HECA: variants seen among roughly 807,000 people sequenced by gnomAD.
The protein encoded by HECA is HECA ribonucleoprotein granule regulator.
HECA carries 13 observed loss-of-function variants against 37.6 expected under a neutral mutation model. That is an observed-to-expected ratio of 0.35 (90% CI 0.23 to 0.55). HECA has a LOEUF of 0.55. Among genes scored for constraint, HECA ranks in the 20% least tolerant of loss-of-function variants. HECA has a pLI of 0.90. For synonymous variants in HECA, 307 were observed against 291.5 expected (o/e 1.05, Z -0.54); for missense variants, 527 against 701.9 (o/e 0.75, Z 2.82).
chr6:139,173,066 A>G (rs181851917), intron 2 of HECA, among the ~76,000 whole-genome samples: 17 of 152,302 alleles, frequency 1.1e-4, no homozygotes, highest in Admixed American at 3.9e-4. Context: ...AGTGCAAATG[A>G]AATTTTTTCC....
At chr6:139,165,609 C>CT (rs1428215115) in intron 1 of HECA, among the ~76,000 whole-genome samples, 1 of 147,298 alleles carries the variant, frequency 6.8e-6, no homozygotes, top group African/African-American at 2.5e-5. Flanking sequence ...TTTACTGACT[C>CT]TATCATGTCT....
Position 139,135,224 on chromosome 6 carries a change from G to A in HECA, c.-173G>A. 1 of 431,786 alleles carries A rather than the reference G, an allele frequency of 2.3e-6. No homozygotes were observed. The highest frequency in any genetic ancestry group is 3.3e-6 in the Non-Finnish European group (1 of 305,032). The allele number at this position is 431,786 out of a possible 1,614,324, so 26.7% of individuals were successfully genotyped here. A position where few individuals can be genotyped will look rare whatever the true frequency, so the allele number is the denominator to read the frequency against. On this transcript the variant is annotated 5_prime_UTR_variant, in exon 1 of 4. Coordinates refer to ENST00000367658, the MANE Select transcript of HECA (RefSeq NM_016217.3). The stretch of plus-strand genomic sequence containing the variant: ...GGCTCCAGGAAGCCGGAGAGGGCGC[G>A]GCGGCCAGGATGGCGCGGCACGGGC...
chr6:139,177,377 T>TG lies in HECA; in HGVS notation c.*276dup. The stretch of plus-strand genomic sequence containing the variant: ...AATCTTTGATGCAGCTTTAAGATGG[T>TG]GGGGAGGATGGGGTGAATTTAGGAA... On this transcript the variant is annotated 3_prime_UTR_variant, in exon 4 of 4. Transcript: ENST00000367658. The surrounding 1 kb of genome is among the most constrained non-coding windows in gnomAD (Gnocchi z 4.9). 1 of 251,386 alleles carries TG rather than the reference T, an allele frequency of 4.0e-6. No homozygotes were observed. Among genetic ancestry groups the TG allele is most frequent in the Non-Finnish European group, 7.6e-6 (1 of 132,372 alleles). The allele number at this position is 251,386 out of a possible 1,614,324, so 15.6% of individuals were successfully genotyped here. A position where few individuals can be genotyped will look rare whatever the true frequency, so the allele number is the denominator to read the frequency against.
At chr6:139,156,215 T>C (rs1774710353) in intron 1 of HECA, among the ~76,000 whole-genome samples, 2 of 152,140 alleles carry the variant, frequency 1.3e-5, no homozygotes, top group South Asian at 2.1e-4. Flanking sequence ...TTCTTTTTTT[T>C]TTCTTTGACA....
At chr6:139,153,043 C>T (rs1372279118) in intron 1 of HECA, 1 of 152,162 alleles carries the variant, frequency 6.6e-6, no homozygotes, top group Non-Finnish European at 1.5e-5. Flanking sequence ...AGACTTTACC[C>T]TAGCTGGTGA....
Position 139,135,608 on chromosome 6 carries a change from C to G in HECA, c.212C>G (p.Thr71Ser). 1.0e-6 allele frequency: 1 copy of G among 964,380 alleles called. No individual in the cohort carries two copies. Among genetic ancestry groups the G allele is most frequent in the Non-Finnish European group, 1.2e-6 (1 of 815,542 alleles). 59.7% of individuals were successfully genotyped at this position (964,380 alleles called of 1,614,324 possible). A position where few individuals can be genotyped will look rare whatever the true frequency, so the allele number is the denominator to read the frequency against. The change falls in exon 1 of 4, where the codon ACT becomes AGT. Residue 71 changes from threonine to serine, a missense_variant. Around this residue, in one of 4 missense-constraint regions of HECA, gnomAD observed 172 missense variants for 197.6 expected, o/e 0.87. Coordinates refer to ENST00000367658, the MANE Select transcript of HECA (RefSeq NM_016217.3). ...GGAAGAGGAG[T>S]GAANAAAAAG... The stretch of plus-strand genomic sequence containing the variant: ...GCGGCGGGCGCCGGAGGCGCGGGGA[C>G]TGGCGCCGCGAACGCTGCGGCCGCC...
intron 1 of HECA, among the ~76,000 whole-genome samples, chr6:139,164,875 G>A (rs1774861525): frequency 6.7e-6 from 1 of 150,040 alleles, no homozygotes; most frequent in Admixed American, 6.7e-5. Flanking sequence ...TGCACTATGA[G>A]ACTCTCAGTC....
In HECA at chr6:139,177,022, G is replaced by A. The variant is rs1468048521; in HGVS notation, c.1549G>A (p.Val517Ile). Reference protein sequence around the residue: ...GMQYFSEYSNVQQCPHCGNLD... With the variant: ...GMQYFSEYSNIQQCPHCGNLD... ...GCAGTACTTCTCCGAATATAGCAAC[G>A]TCCAGCAGTGTCCACACTGTGGGAA... Residue 517 changes from valine to isoleucine, a missense_variant, in exon 4 of 4, where the codon GTC (valine) becomes ATC (isoleucine). This residue lies in a region of HECA where 106 missense variants were observed against 193.4 expected (regional missense o/e 0.55). Coordinates refer to ENST00000367658, the MANE Select transcript of HECA (RefSeq NM_016217.3). The surrounding 1 kb of genome is among the most constrained non-coding windows in gnomAD (Gnocchi z 4.9). The A allele has an allele frequency of 4.6e-6, 4 of 872,570 alleles. No individual in the cohort carries two copies. Among genetic ancestry groups the A allele is most frequent in the Non-Finnish European group, 8.0e-6 (4 of 501,474 alleles). The allele number at this position is 872,570 out of a possible 1,614,324, so 54.1% of individuals were successfully genotyped here. A position where few individuals can be genotyped will look rare whatever the true frequency, so the allele number is the denominator to read the frequency against.
At chr6:139,149,168 C>T (rs915784098) in intron 1 of HECA, among the ~76,000 whole-genome samples, 2 of 152,144 alleles carry the variant, frequency 1.3e-5, no homozygotes, top group Admixed American at 6.5e-5. Context: ...AGTTTATTCA[C>T]ACACCATGCA....
In HECA at chr6:139,135,635, C is replaced by CG; in HGVS notation, c.244dup (p.Ala82GlyfsTer23). On this transcript the variant is annotated frameshift_variant, in exon 1 of 4. Transcript: ENST00000367658. LOFTEE classifies it high-confidence loss of function. ...GGCGCCGCGAACGCTGCGGCCGCCGCGGGGGCTGCGGCCGCGGGCGATGCC... is the reference window on the plus strand; with the variant it reads ...GGCGCCGCGAACGCTGCGGCCGCCGCGGGGGGCTGCGGCCGCGGGCGATGCC... 1 of 973,624 alleles carries CG rather than the reference C, an allele frequency of 1.0e-6. No homozygotes were observed. Among genetic ancestry groups the CG allele is most frequent in the Non-Finnish European group, 1.2e-6 (1 of 820,942 alleles). The allele number at this position is 973,624 out of a possible 1,614,324, so 60.3% of individuals were successfully genotyped here. A position where few individuals can be genotyped will look rare whatever the true frequency, so the allele number is the denominator to read the frequency against.
At position 139,176,830 on chromosome 6, in the gene HECA, G is replaced by A. The variant is rs549506969; in HGVS notation, c.1468-111G>A. On this transcript the variant is annotated intron_variant, in intron 3 of 3. Transcript: ENST00000367658. This position sits in a 1 kb window ranked among gnomAD's most constrained non-coding sequence, Gnocchi z 4.5. ...CGTTTCCATGTTTTTGGTAGTAAAA[G>A]GGATGCTTTGCAAAGCCCTTGATCA... is the stretch of plus-strand genomic sequence containing the variant. The A allele has an allele frequency of 1.5e-6, 1 of 688,932 alleles. No individual in the cohort carries two copies. Among genetic ancestry groups the A allele is most frequent in the South Asian group, 1.9e-5 (1 of 53,096 alleles). The allele number at this position is 688,932 out of a possible 1,614,324, so 42.7% of individuals were successfully genotyped here.
At chr6:139,146,240 CA>C (rs1774582201) in intron 1 of HECA, among the ~76,000 whole-genome samples, 1 of 152,170 alleles carries the variant, frequency 6.6e-6, no homozygotes, top group African/African-American at 2.4e-5. Context: ...AGTAAGGTAT[CA>C]AATTGCTCCG....
chr6:139,150,246 A>C (rs900050885), intron 1 of HECA, among the ~76,000 whole-genome samples: 1 of 152,216 alleles, frequency 6.6e-6, no homozygotes, highest in Non-Finnish European at 1.5e-5. Flanking sequence ...TTATTCAAAC[A>C]GTTTCTGTGG....
rs768588990 is a variant in HECA, at chr6:139,166,238, CT to C, written c.272-45del. 1.0e-5 allele frequency: 15 copies of C among 1,490,096 alleles called. No individual in the cohort carries two copies. The South Asian group carries it at 1.2e-4, about 12-fold the overall frequency. The allele number at this position is 1,490,096 out of a possible 1,614,324, so 92.3% of individuals were successfully genotyped here. ...TGTTGCAAGTACAGGTTGAGTACCC[CT>C]AATCCAAAAATCTGAAATCTGTTCT... On this transcript the variant is annotated intron_variant, in intron 1 of 3. Transcript: ENST00000367658.
intron 1 of HECA, chr6:139,159,044 GC>G (rs1359338686): frequency 6.6e-6 from 1 of 152,148 alleles, no homozygotes; most frequent in Admixed American, 6.5e-5. Flanking sequence ...TGGCACTCCA[GC>G]CTGGGCAACA....
In HECA at chr6:139,176,443, G is replaced by A. The variant is rs1252994483; in HGVS notation, c.1468-498G>A. ...GGACTGTGCTGTTACGGAGAGGCTAGGCATGAGTGAAGATGCAGGGTGCTG... is the reference window on the plus strand; with the variant it reads ...GGACTGTGCTGTTACGGAGAGGCTAAGCATGAGTGAAGATGCAGGGTGCTG... On this transcript the variant is annotated intron_variant, in intron 3 of 3. Transcript: ENST00000367658. This position sits in a 1 kb window ranked among gnomAD's most constrained non-coding sequence, Gnocchi z 4.5. Among the ~76,000 whole-genome samples the A allele has an allele frequency of 6.6e-6, 1 of 152,190 alleles. No individual in the cohort carries two copies. Among genetic ancestry groups the A allele is most frequent in the African/African-American group, 2.4e-5 (1 of 41,446 alleles).
rs368022161 is a variant in HECA at position 139,160,039 on chromosome 6, G to A, written c.272-6245G>A. Among the ~76,000 whole-genome samples, 14 of 152,290 alleles carry A rather than the reference G, an allele frequency of 9.2e-5. No homozygotes were observed. In the East Asian group the frequency reaches 2.5e-3, roughly 27 times the overall value. ...AAGGAGCACAGAGTTCTCAAGTGAG[G>A]GCAGGATGCAGGGTAAGAAAGCTGG... On this transcript the variant is annotated intron_variant, in intron 1 of 3. Transcript: ENST00000367658.
At position 139,149,922 on chromosome 6, in the gene HECA, A is replaced by G. The variant is rs555235519; in HGVS notation, c.271+14255A>G. ...CCTGAGCTCTCCTGATTTTGTTATA[A>G]CAGCAGAGTCCACTTAGATTTTAAC... is the stretch of plus-strand genomic sequence containing the variant. On this transcript the variant is annotated intron_variant, in intron 1 of 3. Coordinates refer to ENST00000367658, the MANE Select transcript of HECA (RefSeq NM_016217.3). Among the ~76,000 whole-genome samples the G allele has an allele frequency of 1.3e-4, 20 of 152,228 alleles. No individual in the cohort carries two copies. The South Asian group carries it at 2.7e-3, about 21-fold the overall frequency.
chr6:139,167,870 T>G (rs1326419200), intron 2 of HECA, among the ~76,000 whole-genome samples: 1 of 152,178 alleles, frequency 6.6e-6, no homozygotes, highest in African/African-American at 2.4e-5. Flanking sequence ...ATGGGGAAGC[T>G]TATTATTCCT....
Sources: allele counts gnomAD v4.1 joint callset (sites outside exome capture counted in the v4.1 genomes callset), GRCh38; gene constraint gnomAD v4.1.1; regional missense constraint gnomAD v4.1.1; non-coding constraint Gnocchi (gnomAD v3.1); transcripts MANE v1.5; gene names NCBI Gene and HGNC (gene_info 2026-07-23, HGNC 2026-07-21).